Variants in NBAS observed in about 807,000 individuals in gnomAD.
The protein encoded by NBAS is NBAS subunit of NRZ tethering complex.
NBAS carries 219 observed loss-of-function variants against 302.5 expected under a neutral mutation model. The observed-to-expected ratio is 0.72, with a 90% CI of 0.65 to 0.81. The LOEUF is 0.81. Among genes scored for constraint, NBAS ranks in the 30% least tolerant of loss-of-function variants. The probability of loss-of-function intolerance (pLI) is 0.00; values close to 1 mark genes in which losing one functional copy is unlikely to be tolerated. For synonymous variants in NBAS, 1,118 were observed against 1,021.6 expected, an observed-to-expected ratio of 1.09 and a Z score of -1.80; for missense variants, 2,932 against 2,841.6, an observed-to-expected ratio of 1.03 and a Z score of -0.72.
chr2:15,004,453 C>T, the NBAS span, among the ~76,000 whole-genome samples: 1 of 152,256 alleles, frequency 6.6e-6, no homozygotes, highest in African/African-American at 2.4e-5. Flanking sequence ...TACTTTCCCC[C>T]AAACTGGCAT....
the NBAS span, among the ~76,000 whole-genome samples, chr2:15,085,373 C>G: frequency 6.6e-6 from 1 of 152,100 alleles, no homozygotes; most frequent in Admixed American, 6.5e-5. Context: ...TCGGGGTCTG[C>G]CCTGCGTGGA....
chr2:15,059,935 T>G, the NBAS span, among the ~76,000 whole-genome samples: 1 of 129,290 alleles, frequency 7.7e-6, no homozygotes, highest in African/African-American at 2.8e-5. Context: ...TAGGGAAGGA[T>G]AGCAGTGCTG....
chr2:14,872,008 CAT>C, the NBAS span, among the ~76,000 whole-genome samples: 12 of 152,214 alleles, frequency 7.9e-5, no homozygotes, highest in South Asian at 2.1e-4. Flanking sequence ...TATACACACA[CAT>C]GTATAGATAC....
intron 9 of NBAS, among the ~76,000 whole-genome samples, chr2:15,528,756 A>G (rs112540104): frequency 2.7e-5 from 4 of 149,742 alleles, no homozygotes; most frequent in African/African-American, 9.7e-5. Context: ...AATCCCAGCT[A>G]CTCAGGAGGC....
chr2:15,314,053 T>A (rs958279257), intron 38 of NBAS, among the ~76,000 whole-genome samples: 1 of 152,058 alleles, frequency 6.6e-6, no homozygotes, highest in East Asian at 1.9e-4. Context: ...AGATAAAATA[T>A]AAAAAACAAG....
At chr2:15,230,371 TTTC>T (rs1667330102) in intron 47 of NBAS, among the ~76,000 whole-genome samples, 1 of 148,826 alleles carries the variant, frequency 6.7e-6, no homozygotes, top group Admixed American at 6.7e-5. Flanking sequence ...TGGCTTTGTT[TTTC>T]TTCTTTTTAT....
At position 15,474,138 on chromosome 2, in the gene NBAS, G is replaced by A. The variant is rs563288128; in HGVS notation, c.1528C>T (p.Arg510Ter). 6.8e-6 allele frequency: 11 copies of A among 1,614,112 alleles called. No homozygotes were observed. The highest frequency in any genetic ancestry group is 1.7e-5 in the Admixed American group (1 of 60,018). The change falls in exon 15 of 52, where the codon CGA (arginine) becomes TGA (stop). Residue 510 changes from arginine (R) to a stop codon, truncating the protein, a stop_gained. Transcript: ENST00000281513. LOFTEE classifies it high-confidence loss of function. ...ERFAPPRKRP[R>*]TITKNYRLVS... ...AGGCGGTAGTTTTTAGTAATGGTTCGTGGGCGTTTCCGTGGTGGTGCAAAT... is the reference window on the plus strand; with the variant it reads ...AGGCGGTAGTTTTTAGTAATGGTTCATGGGCGTTTCCGTGGTGGTGCAAAT...
chr2:15,354,048 G>GC (rs1218235404), intron 33 of NBAS, among the ~76,000 whole-genome samples: 1 of 152,188 alleles, frequency 6.6e-6, no homozygotes, highest in East Asian at 1.9e-4. Context: ...AGGGCCTGCT[G>GC]CAACCCTGCT....
intron 44 of NBAS, among the ~76,000 whole-genome samples, chr2:15,261,316 C>A (rs569598106): frequency 6.6e-6 from 1 of 152,134 alleles, no homozygotes; most frequent in African/African-American, 2.4e-5. Context: ...GTTTATAAAT[C>A]GTATAGAATA....
At chr2:15,398,068 T>G (rs1419090701) in intron 26 of NBAS, among the ~76,000 whole-genome samples, 1 of 152,038 alleles carries the variant, frequency 6.6e-6, no homozygotes, top group Non-Finnish European at 1.5e-5. Context: ...AGAGCTAACT[T>G]CCCTTAACAT....
At chr2:14,930,073 A>G in the NBAS span, among the ~76,000 whole-genome samples, 4 of 152,164 alleles carry the variant, frequency 2.6e-5, no homozygotes, top group South Asian at 8.3e-4. Flanking sequence ...CCTCCCAGCC[A>G]TTCTTCCTGT....
At chr2:14,824,533 G>A in the NBAS span, among the ~76,000 whole-genome samples, 85,636 of 151,900 alleles carry the variant, frequency 0.56, 26,269 homozygotes, top group African/African-American at 0.83. Context: ...TTGTTATTCA[G>A]GTGTGGTACT....
chr2:15,443,081 G>A (rs947301212), intron 21 of NBAS, among the ~76,000 whole-genome samples: 1 of 151,936 alleles, frequency 6.6e-6, no homozygotes, highest in Non-Finnish European at 1.5e-5. Flanking sequence ...GGTACAAGGA[G>A]GAACTGGTAC....
intron 48 of NBAS, among the ~76,000 whole-genome samples, chr2:15,202,837 C>T (rs1404730124): frequency 7.9e-5 from 12 of 152,128 alleles, no homozygotes; most frequent in Admixed American, 7.9e-4. Context: ...TGCACCCGGC[C>T]ATGTGTGTTT....
intron 9 of NBAS, among the ~76,000 whole-genome samples, chr2:15,534,149 G>A (rs1318843847): frequency 1.3e-5 from 2 of 152,094 alleles, no homozygotes; most frequent in Non-Finnish European, 2.9e-5. Context: ...TCAGTGCAGC[G>A]GTAACTAGCA....
the NBAS span, among the ~76,000 whole-genome samples, chr2:15,054,386 T>A: frequency 4.6e-5 from 7 of 152,330 alleles, 1 homozygote; most frequent in Admixed American, 2.0e-4. Context: ...CTAGTGTGGC[T>A]TGGGAGGGCA....
At chr2:15,416,369 G>A (rs766482201) in intron 24 of NBAS, among the ~76,000 whole-genome samples, 6 of 152,010 alleles carry the variant, frequency 3.9e-5, no homozygotes, top group East Asian at 1.9e-4. Context: ...TTACACAATC[G>A]TTTCTCTTAA....
the NBAS span, among the ~76,000 whole-genome samples, chr2:14,829,237 T>C: frequency 2.6e-5 from 4 of 152,236 alleles, no homozygotes; most frequent in South Asian, 4.1e-4. Flanking sequence ...CAGGTCTACA[T>C]GTGCTTCATG....
At chr2:15,046,953 G>A in the NBAS span, among the ~76,000 whole-genome samples, 1 of 152,170 alleles carries the variant, frequency 6.6e-6, no homozygotes, top group Non-Finnish European at 1.5e-5. Flanking sequence ...ACATCATCAG[G>A]GGAGCAGCAA....
Sources: gnomAD v4.1 joint callset for allele counts (sites outside exome capture counted in the v4.1 genomes callset) on GRCh38, gnomAD v4.1.1 for gene constraint, MANE v1.5 for transcripts, NCBI Gene and HGNC (gene_info 2026-07-23, HGNC 2026-07-21) for gene names.